MAL: variants seen among roughly 807,000 people sequenced by gnomAD.
MAL encodes the protein mal, T cell differentiation protein (MAL blood group).
Under a neutral mutation model 16.7 loss-of-function variants are expected in MAL, and 5 were observed. That is an observed-to-expected ratio of 0.30 (90% CI 0.16 to 0.63). The LOEUF is 0.63. Ranked by LOEUF, MAL falls within the 30% of genes least tolerant of loss-of-function variation. The probability of loss-of-function intolerance (pLI) is 0.82; values close to 1 mark genes in which losing one functional copy is unlikely to be tolerated. For synonymous variants in MAL, 96 were observed against 85.5 expected, an observed-to-expected ratio of 1.12 and a Z score of -0.67; for missense variants, 202 against 195.8, an observed-to-expected ratio of 1.03 and a Z score of -0.19.
At chr2:95,039,688 GTGAGTGAC>G (rs947662678) in intron 1 of MAL, among the ~76,000 whole-genome samples, 13 of 146,694 alleles carry the variant, frequency 8.9e-5, no homozygotes, top group South Asian at 2.3e-4. Flanking sequence ...GAGTGACTGA[GTGAGTGAC>G]TGAGTGACTG....
intron 1 of MAL, among the ~76,000 whole-genome samples, chr2:95,047,719 G>GA (rs1198977044): frequency 2.0e-5 from 3 of 151,980 alleles, no homozygotes; most frequent in East Asian, 1.9e-4. Context: ...TCTGTCTCAA[G>GA]AAAAAAAAGT....
intron 1 of MAL, among the ~76,000 whole-genome samples, chr2:95,038,849 C>CAAGT (rs1674343407): frequency 7.9e-6 from 1 of 126,702 alleles, no homozygotes; most frequent in African/African-American, 3.0e-5. Context: ...AGTGAATGAC[C>CAAGT]GAGTGACTGA....
At chr2:95,028,744 G>A (rs1373928604) in intron 1 of MAL, among the ~76,000 whole-genome samples, 1 of 152,194 alleles carries the variant, frequency 6.6e-6, no homozygotes, top group East Asian at 1.9e-4. Context: ...GTACTGATAC[G>A]TGCTACAAAG....
At chr2:95,032,971 C>T (rs749586571) in intron 1 of MAL, among the ~76,000 whole-genome samples, 63 of 152,194 alleles carry the variant, frequency 4.1e-4, no homozygotes, top group Non-Finnish European at 4.0e-4. Context: ...CTGTCACCAG[C>T]CACAGCACCT....
At position 95,025,930 on chromosome 2, in the gene MAL, T is replaced by A. The variant is rs923547697; in HGVS notation, c.93+45T>A. On this transcript the variant is annotated intron_variant, in intron 1 of 3. Coordinates refer to ENST00000309988, the MANE Select transcript of MAL (RefSeq NM_002371.4). This position sits in a 1 kb window ranked among gnomAD's most constrained non-coding sequence, Gnocchi z 5.6. ...GGAAGGGACGGGGTGGGCTGAGCCGTGCGCTCTCTCGGGCGCCCAGCACAG... is the reference window on the plus strand; with the variant it reads ...GGAAGGGACGGGGTGGGCTGAGCCGAGCGCTCTCTCGGGCGCCCAGCACAG... The A allele has an allele frequency of 2.0e-6, 3 of 1,485,208 alleles. No homozygotes were observed. Among genetic ancestry groups the A allele is most frequent in the Non-Finnish European group, 2.7e-6 (3 of 1,102,138 alleles). The allele number at this position is 1,485,208 out of a possible 1,614,324, so 92.0% of individuals were successfully genotyped here.
chr2:95,053,292 C>G (rs368956568), intron 3 of MAL, 89 bp from the exon 4 acceptor site: 187 of 896,854 alleles, frequency 2.1e-4, no homozygotes, highest in African/African-American at 1.9e-3. Flanking sequence ...TCTGGCCCCC[C>G]CTACGCCACG....
intron 1 of MAL, among the ~76,000 whole-genome samples, chr2:95,038,192 C>CTGAG (rs759715859): frequency 4.9e-5 from 5 of 101,300 alleles, no homozygotes; most frequent in Non-Finnish European, 1.0e-4. Context: ...GTGTGAGTTA[C>CTGAG]TGAGTGAGTG....
intron 1 of MAL, among the ~76,000 whole-genome samples, chr2:95,027,007 T>C (rs1427518968): frequency 1.3e-5 from 2 of 152,056 alleles, no homozygotes; most frequent in East Asian, 1.9e-4. Context: ...AGGGCTACCA[T>C]TGAACTTAGG....
intron 3 of MAL, chr2:95,053,171 A>G: frequency 2.0e-6 from 1 of 498,690 alleles, no homozygotes. Flanking sequence ...GATCCAGGAG[A>G]CTGTTAGGTC....
At chr2:95,028,937 G>A (rs1674015248) in intron 1 of MAL, among the ~76,000 whole-genome samples, 1 of 152,176 alleles carries the variant, frequency 6.6e-6, no homozygotes, top group East Asian at 1.9e-4. Context: ...TTTCTTTTTG[G>A]GGGTAATGAA....
intron 1 of MAL, 83 bp from the exon 2 acceptor site, chr2:95,047,876 C>A: frequency 7.2e-7 from 1 of 1,387,628 alleles, no homozygotes; most frequent in Non-Finnish European, 9.9e-7. Flanking sequence ...ACTCCAGTCA[C>A]CCCATGTGAC....
chr2:95,042,162 G>A (rs982567340), intron 1 of MAL, among the ~76,000 whole-genome samples: 23 of 152,212 alleles, frequency 1.5e-4, no homozygotes. Context: ...GGAAACACTA[G>A]GGCGACATTT....
chr2:95,035,379 A>C (rs1674179593), intron 1 of MAL, among the ~76,000 whole-genome samples: 2 of 152,084 alleles, frequency 1.3e-5, no homozygotes, highest in African/African-American at 4.8e-5. Context: ...GCAGGTGTAG[A>C]TGTGGTAGGC....
chr2:95,046,953 A>AAG (rs1674602619), intron 1 of MAL, among the ~76,000 whole-genome samples: 1 of 151,258 alleles, frequency 6.6e-6, no homozygotes, highest in African/African-American at 2.4e-5. Flanking sequence ...AGAAAGAGAA[A>AAG]AAAGAAAGAA....
At chr2:95,031,245 C>T (rs757140198) in intron 1 of MAL, among the ~76,000 whole-genome samples, 12 of 152,176 alleles carry the variant, frequency 7.9e-5, no homozygotes, top group Non-Finnish European at 1.3e-4. Context: ...TTTGCTTGCA[C>T]TAGAAGGCAC....
At chr2:95,050,710 T>G (rs1448894629) in intron 3 of MAL, among the ~76,000 whole-genome samples, 1 of 152,148 alleles carries the variant, frequency 6.6e-6, no homozygotes, top group Non-Finnish European at 1.5e-5. Context: ...AACCACACAC[T>G]GCCCTCAAGC....
intron 1 of MAL, among the ~76,000 whole-genome samples, chr2:95,040,431 A>G (rs1674434081): frequency 1.3e-5 from 2 of 152,212 alleles, no homozygotes; most frequent in South Asian, 4.1e-4. Context: ...ACATACGCAC[A>G]GAAAAATGCT....
chr2:95,037,861 TGACTGAGTGAGTGAGA>T (rs1202830832), intron 1 of MAL, among the ~76,000 whole-genome samples: 1 of 151,278 alleles, frequency 6.6e-6, no homozygotes. Context: ...TGTGAGTGAC[TGACTGAGTGAGTGAGA>T]GACTGAGTGA....
intron 3 of MAL, among the ~76,000 whole-genome samples, chr2:95,050,239 G>T (rs989867656): frequency 1.3e-5 from 2 of 152,204 alleles, no homozygotes; most frequent in Non-Finnish European, 1.5e-5. Flanking sequence ...CATCCAGCCA[G>T]GGGTGGGGAC....
Sources: allele counts gnomAD v4.1 joint callset (sites outside exome capture counted in the v4.1 genomes callset), GRCh38; gene constraint gnomAD v4.1.1; non-coding constraint Gnocchi (gnomAD v3.1); transcripts MANE v1.5; gene names NCBI Gene and HGNC (gene_info 2026-07-23, HGNC 2026-07-21).